The following CDKAL1 variants were observed in gnomAD, a reference collection of about 807,000 sequenced individuals.
CDKAL1 encodes threonylcarbamoyladenosine tRNA methylthiotransferase.
CDKAL1 carries 32 observed loss-of-function variants against 68.2 expected under a neutral mutation model. The ratio of observed to expected loss-of-function variants is 0.47; its 90% CI spans 0.35 to 0.63. The LOEUF is 0.63. CDKAL1 is among the 30% of genes least tolerant of loss of function. The pLI, the probability that CDKAL1 is intolerant of heterozygous loss-of-function variation, is 0.00. For synonymous variants in CDKAL1, 234 were observed against 244.3 expected, an observed-to-expected ratio of 0.96 and a Z score of 0.39; for missense variants, 606 against 696.7, an observed-to-expected ratio of 0.87 and a Z score of 1.47.
chr6:20,998,772 T>C (rs1281196700), intron 10 of CDKAL1, among the ~76,000 whole-genome samples: 1 of 152,220 alleles, frequency 6.6e-6, no homozygotes, highest in Non-Finnish European at 1.5e-5. Context: ...TAATAAGGTA[T>C]ATACCTATTA....
chr6:21,129,951 G>A (rs535984423), intron 13 of CDKAL1, among the ~76,000 whole-genome samples: 1 of 151,934 alleles, frequency 6.6e-6, no homozygotes, highest in African/African-American at 2.4e-5. Context: ...TGGAAACGAA[G>A]GCCCACATGC....
intron 4 of CDKAL1, among the ~76,000 whole-genome samples, chr6:20,575,441 CAAA>C (rs57442477): frequency 0.027 from 2,570 of 94,370 alleles, 37 homozygotes; most frequent in African/African-American, 0.093. Context: ...AGGGGCACCA[CAAA>C]AAAAAAAAAA....
At chr6:21,230,820 A>C in intron 15 of CDKAL1, 28 bp from the exon 16 acceptor site, 1 of 1,540,370 alleles carries the variant, frequency 6.5e-7, no homozygotes, top group South Asian at 1.3e-5. Flanking sequence ...TCTAAAAATA[A>C]TTTTTTCCTC....
intron 12 of CDKAL1, among the ~76,000 whole-genome samples, chr6:21,102,643 A>C (rs1345348212): frequency 1.3e-5 from 2 of 152,022 alleles, no homozygotes; most frequent in Non-Finnish European, 2.9e-5. Flanking sequence ...TCTAACTTCT[A>C]CTGAGTGTCT....
At chr6:20,556,269 G>T (rs1373186810) in intron 4 of CDKAL1, among the ~76,000 whole-genome samples, 1 of 152,054 alleles carries the variant, frequency 6.6e-6, no homozygotes, top group African/African-American at 2.4e-5. Flanking sequence ...GAAGGCCGAG[G>T]CAGGAGAATA....
intron 9 of CDKAL1, among the ~76,000 whole-genome samples, chr6:20,882,512 C>T (rs1366375601): frequency 6.6e-6 from 1 of 152,158 alleles, no homozygotes. Flanking sequence ...AGCCAGAGAA[C>T]CTGGGAGGGT....
Position 20,679,013 on chromosome 6 carries a change from T to C in CDKAL1, c.371+29636T>C, listed in dbSNP as rs532568280. ...TGAAACTCCTGGGCTCAAGGGATCT[T>C]CCCACTTCAGCCTCCCTAGTATCTA... On this transcript the variant is annotated intron_variant, in intron 5 of 15. Coordinates refer to ENST00000274695, the MANE Select transcript of CDKAL1 (RefSeq NM_017774.3). 5.3e-5 allele frequency among the ~76,000 whole-genome samples: 8 copies of C among 152,266 alleles called. No individual in the cohort carries two copies. In the East Asian group the frequency reaches 1.5e-3, roughly 29 times the overall value.
chr6:20,991,837 G>A (rs1363571532), intron 10 of CDKAL1, among the ~76,000 whole-genome samples: 9 of 148,324 alleles, frequency 6.1e-5, no homozygotes, highest in South Asian at 2.1e-4. Flanking sequence ...GCAACATAGC[G>A]AGACCCTGTC....
intron 8 of CDKAL1, among the ~76,000 whole-genome samples, chr6:20,814,297 T>G (rs1776949473): frequency 6.6e-6 from 1 of 152,192 alleles, no homozygotes; most frequent in Non-Finnish European, 1.5e-5. Context: ...AACTTACTCA[T>G]TATGTGCAGT....
intron 4 of CDKAL1, among the ~76,000 whole-genome samples, chr6:20,646,409 T>C (rs1233495214): frequency 1.3e-5 from 2 of 151,566 alleles, no homozygotes; most frequent in African/African-American, 4.8e-5. Flanking sequence ...AAGGAGTACA[T>C]TAAAATAGTG....
intron 15 of CDKAL1, among the ~76,000 whole-genome samples, chr6:21,226,489 C>G (rs953037112): frequency 6.6e-6 from 1 of 152,214 alleles, no homozygotes; most frequent in East Asian, 1.9e-4. Flanking sequence ...AAAGTTAACA[C>G]AGAATGCACG....
rs527897950 is a variant in CDKAL1, at chr6:20,799,281, A to G, written c.638+18016A>G. 6.6e-5 allele frequency among the ~76,000 whole-genome samples: 10 copies of G among 151,994 alleles called. No homozygotes were observed. The South Asian group carries it at 1.5e-3, about 22-fold the overall frequency. ...TGGTCAGGTTGGTCTCGAACTCCCA[A>G]CCTCAGGTGTTCCACCCACCTTGGC... On this transcript the variant is annotated intron_variant, in intron 8 of 15. Transcript: ENST00000274695.
intron 13 of CDKAL1, among the ~76,000 whole-genome samples, chr6:21,159,859 C>T (rs148298800): frequency 5.9e-5 from 9 of 152,326 alleles, no homozygotes; most frequent in African/African-American, 2.2e-4. Flanking sequence ...CTCCATAGTT[C>T]CACCCAACCC....
intron 15 of CDKAL1, among the ~76,000 whole-genome samples, chr6:21,229,453 C>T (rs529138988): frequency 1.3e-5 from 2 of 152,272 alleles, no homozygotes; most frequent in Admixed American, 1.3e-4. Flanking sequence ...ATTCCTGTTC[C>T]TGTTACCTTC....
intron 4 of CDKAL1, among the ~76,000 whole-genome samples, chr6:20,606,792 A>T (rs1766354311): frequency 6.6e-6 from 1 of 152,206 alleles, no homozygotes; most frequent in Non-Finnish European, 1.5e-5. Flanking sequence ...CAGGGTGAAA[A>T]TTGCAAAACT....
chr6:20,538,467 C>G (rs1763264077), intron 2 of CDKAL1, among the ~76,000 whole-genome samples: 1 of 152,160 alleles, frequency 6.6e-6, no homozygotes, highest in Non-Finnish European at 1.5e-5. Context: ...TGGACTCCAG[C>G]TCTGTAAGAT....
At chr6:20,636,748 G>C (rs1767919751) in intron 4 of CDKAL1, among the ~76,000 whole-genome samples, 1 of 152,062 alleles carries the variant, frequency 6.6e-6, no homozygotes, top group South Asian at 2.1e-4. Context: ...CATAAAGAAA[G>C]GATTGTTGGC....
chr6:21,224,505 C>T (rs1398838789), intron 15 of CDKAL1, among the ~76,000 whole-genome samples: 1 of 152,020 alleles, frequency 6.6e-6, no homozygotes, highest in East Asian at 1.9e-4. Context: ...CAGAGTGAGA[C>T]TCTGTCTCAA....
chr6:21,200,474 C>G (rs553394584), intron 14 of CDKAL1, among the ~76,000 whole-genome samples: 7 of 152,310 alleles, frequency 4.6e-5, no homozygotes, highest in African/African-American at 1.7e-4. Flanking sequence ...CCTTCTCCCT[C>G]AAAACACAGC....
Sources: gnomAD v4.1 joint callset for allele counts (sites outside exome capture counted in the v4.1 genomes callset) on GRCh38, gnomAD v4.1.1 for gene constraint, MANE v1.5 for transcripts, NCBI Gene and HGNC (gene_info 2026-07-23, HGNC 2026-07-21) for gene names.